Variants in NRXN2 observed in about 807,000 individuals in gnomAD.
NRXN2 encodes neurexin 2.
A neutral mutation model predicts 128.8 loss-of-function variants in NRXN2; 29 were observed. The observed-to-expected ratio is 0.23, with a 90% confidence interval of 0.17 to 0.31. The LOEUF (loss-of-function observed/expected upper bound fraction) is 0.31, where lower values mean the gene tolerates loss of function less well. NRXN2 is among the 10% of genes least tolerant of loss of function. The pLI, the probability that NRXN2 is intolerant of heterozygous loss-of-function variation, is 1.00. For synonymous variants in NRXN2, 1,098 were observed against 1,075.2 expected, an observed-to-expected ratio of 1.02 and a Z score of -0.41; for missense variants, 1,881 against 2,452.6, an observed-to-expected ratio of 0.77 and a Z score of 4.92.
rs948923226 is a variant in NRXN2, at chr11:64,630,657, C to T, written c.3586-84G>A. 7.9e-5 allele frequency: 117 copies of T among 1,489,180 alleles called. No homozygotes were observed. Among genetic ancestry groups the T allele is most frequent in the Admixed American group, 3.5e-5 (2 of 56,572 alleles). 92.2% of individuals were successfully genotyped at this position (1,489,180 alleles called of 1,614,324 possible). A position where few individuals can be genotyped will look rare whatever the true frequency, so the allele number is the denominator to read the frequency against. The stretch of plus-strand genomic sequence containing the variant: ...TGGCTACTCCTGTGACCACCACTAG[C>T]CCAGCTCCGCAGCACTTAAGGCACC... On this transcript the variant is annotated intron_variant, in intron 18 of 22. Coordinates refer to ENST00000265459, the MANE Select transcript of NRXN2 (RefSeq NM_015080.4). The surrounding 1 kb of genome is among the most constrained non-coding windows in gnomAD (Gnocchi z 4.6).
In NRXN2 at chr11:64,683,511, G is replaced by A. The variant is rs146113684; in HGVS notation, c.1152+2135C>T. Among the ~76,000 whole-genome samples the A allele has an allele frequency of 3.3e-5, 5 of 151,888 alleles. No homozygotes were observed. The East Asian group carries it at 5.8e-4, about 18-fold the overall frequency. On this transcript the variant is annotated intron_variant, in intron 6 of 22. Coordinates refer to ENST00000265459, the MANE Select transcript of NRXN2 (RefSeq NM_015080.4). ...AGCGGGCACCTGTAATCCCAGCTAC[G>A]CGGGAGGCTGAGGTAGGAGAATCAC...
chr11:64,661,054 C>G lies in NRXN2; in HGVS notation c.1884G>C (p.Leu628=). Residue 628 remains leucine (L), a synonymous_variant, in exon 10 of 23, where the codon CTG becomes CTC. Coordinates refer to ENST00000265459, the MANE Select transcript of NRXN2 (RefSeq NM_015080.4). The part of the protein sequence containing the change: ...EILDLESELY[L]GGLPEGGRVD... The stretch of plus-strand genomic sequence containing the variant: ...CCCGGCCCCCCTCAGGGAGACCGCC[C>G]AGGTACAGCTCACTCTCCAGGTCCA... 6.2e-7 allele frequency: 1 copy of G among 1,613,520 alleles called. No homozygotes were observed. The highest frequency in any genetic ancestry group is 1.1e-5 in the South Asian group (1 of 91,084).
Position 64,661,144 on chromosome 11 carries a change from G to A in NRXN2, c.1799-5C>T. 2 of 1,613,434 alleles carry A rather than the reference G, an allele frequency of 1.2e-6. No individual in the cohort carries two copies. The highest frequency in any genetic ancestry group is 1.7e-6 in the Non-Finnish European group (2 of 1,180,026). Reference sequence around the variant, plus strand: ...GACTATTCACTGAGATGGAGCCTGGGAATCAAGGGAAGGCAGGATGGAGAA... The same window carrying A: ...GACTATTCACTGAGATGGAGCCTGGAAATCAAGGGAAGGCAGGATGGAGAA... On this transcript the variant is annotated splice_region_variant and splice_polypyrimidine_tract_variant and intron_variant, in intron 9 of 22. Transcript: ENST00000265459.
intron 9 of NRXN2, among the ~76,000 whole-genome samples, chr11:64,662,140 C>G (rs1396532986): frequency 6.6e-6 from 1 of 151,728 alleles, no homozygotes; most frequent in Admixed American, 6.6e-5. Flanking sequence ...AACCTGTAGT[C>G]CCAGCTACTC....
At chr11:64,641,821 G>C (rs1370794895) in intron 17 of NRXN2, among the ~76,000 whole-genome samples, 3 of 152,024 alleles carry the variant, frequency 2.0e-5, no homozygotes, top group African/African-American at 7.3e-5. Context: ...GTGAGATGCT[G>C]GGGGTCAGAG....
intron 2 of NRXN2, among the ~76,000 whole-genome samples, chr11:64,699,342 T>TG (rs2054969673): frequency 1.3e-5 from 2 of 151,864 alleles, no homozygotes; most frequent in Admixed American, 6.6e-5. Context: ...TGTCAACATG[T>TG]GTTACAAACA....
chr11:64,610,416 G>A (rs573369920), intron 22 of NRXN2, among the ~76,000 whole-genome samples: 3 of 152,252 alleles, frequency 2.0e-5, no homozygotes, highest in East Asian at 1.9e-4. Context: ...GAGTGAGGCC[G>A]GGGAAGGGCT....
chr11:64,655,885 G>A (rs776498589), intron 11 of NRXN2, among the ~76,000 whole-genome samples: 2 of 152,256 alleles, frequency 1.3e-5, no homozygotes, highest in Non-Finnish European at 2.9e-5. Context: ...GCACTAACTA[G>A]TAACCTGTTA....
intron 19 of NRXN2, among the ~76,000 whole-genome samples, chr11:64,628,002 G>A (rs1441832692): frequency 6.6e-6 from 1 of 152,126 alleles, no homozygotes; most frequent in East Asian, 1.9e-4. Flanking sequence ...AGGAGATTCT[G>A]CTTTCCCTAT....
chr11:64,618,430 C>T (rs1234829816), intron 22 of NRXN2, among the ~76,000 whole-genome samples: 3 of 152,196 alleles, frequency 2.0e-5, no homozygotes, highest in African/African-American at 7.2e-5. Flanking sequence ...ACATGTGGTG[C>T]CACTCAGTGC....
rs1286846183 is a variant in NRXN2, at chr11:64,660,807, G to C, written c.2131C>G (p.Arg711Gly). Residue 711 changes from arginine (R) to glycine (G), a missense_variant, in exon 10 of 23, where the codon CGC becomes GGC. By Grantham distance (125) the Arg-to-Gly change is moderately radical (BLOSUM62 -2). Transcript: ENST00000265459. This position sits in a 1 kb window ranked among gnomAD's most constrained non-coding sequence, Gnocchi z 5.2. ...GTCCCGATGCAGTCACAGATGAAGC[G>C]GTTCCAGCCTTCTCGACAGACGCCC... ...NGGVCREGWN[R>G]FICDCIGTGF... is the part of the protein sequence containing the mutation. 1.2e-6 allele frequency: 2 copies of C among 1,613,972 alleles called. No individual in the cohort carries two copies. Among genetic ancestry groups the C allele is most frequent in the Non-Finnish European group, 8.5e-7 (1 of 1,180,008 alleles).
chr11:64,646,036 G>A (rs1445082432), intron 17 of NRXN2, among the ~76,000 whole-genome samples: 1 of 152,176 alleles, frequency 6.6e-6, no homozygotes, highest in Non-Finnish European at 1.5e-5. Flanking sequence ...CTAGGAAGGA[G>A]GAGTAGCCCT....
intron 6 of NRXN2, among the ~76,000 whole-genome samples, chr11:64,684,975 T>C (rs1184627025): frequency 6.6e-6 from 1 of 152,182 alleles, no homozygotes; most frequent in East Asian, 1.9e-4. Context: ...CCTGGCTCCT[T>C]TGAAAGAAAG....
chr11:64,710,647 TG>T (rs2135665840), intron 2 of NRXN2, among the ~76,000 whole-genome samples: 1 of 152,220 alleles, frequency 6.6e-6, no homozygotes, highest in East Asian at 1.9e-4. Flanking sequence ...AGGCAGGCTT[TG>T]GGGGAAGGGT....
At position 64,667,642 on chromosome 11, in the gene NRXN2, G is replaced by A; in HGVS notation, c.1406C>T (p.Ala469Val). The change falls in exon 9 of 23, where the codon GCA becomes GTA. Residue 469 changes from alanine (A) to valine (V), a missense_variant. Physicochemically the swap from Ala to Val is moderately conservative, Grantham distance 64. Around this residue, in one of 7 missense-constraint regions of NRXN2, gnomAD observed 997 missense variants for 1,240.8 expected, o/e 0.80. Transcript: ENST00000265459. This position sits in a 1 kb window ranked among gnomAD's most constrained non-coding sequence, Gnocchi z 5.6. The stretch of plus-strand genomic sequence containing the variant: ...CTTCATCTTGGGGTCCCCTTCCTTT[G>A]CCAGGCGGGATAGTTCCAATTTGAA... The part of the protein sequence containing the change: ...NDFKLELSRL[A>V]KEGDPKMKLQ... 1 of 1,614,186 alleles carries A rather than the reference G, an allele frequency of 6.2e-7. No individual in the cohort carries two copies. Among genetic ancestry groups the A allele is most frequent in the Non-Finnish European group, 8.5e-7 (1 of 1,180,026 alleles).
At position 64,667,948 on chromosome 11, in the gene NRXN2, A is replaced by G. The variant is rs2050112363; in HGVS notation, c.1360-260T>C. On this transcript the variant is annotated intron_variant, in intron 8 of 22. Transcript: ENST00000265459. The surrounding 1 kb of genome is among the most constrained non-coding windows in gnomAD (Gnocchi z 5.6). ...GCTTGCCTGTGGGTTCTCAGTGCCC[A>G]CTAAATTGCAGTTCATAATAATGAC... Among the ~76,000 whole-genome samples, 1 of 152,118 alleles carries G rather than the reference A, an allele frequency of 6.6e-6. No homozygotes were observed. Among genetic ancestry groups the G allele is most frequent in the Non-Finnish European group, 1.5e-5 (1 of 68,022 alleles).
chr11:64,623,177 A>G lies in NRXN2; in HGVS notation c.3848-99T>C. The G allele has an allele frequency of 6.8e-7, 1 of 1,474,068 alleles. No homozygotes were observed. Among genetic ancestry groups the G allele is most frequent in the Middle Eastern group, 1.8e-4 (1 of 5,420 alleles). The allele number at this position is 1,474,068 out of a possible 1,614,324, so 91.3% of individuals were successfully genotyped here. On this transcript the variant is annotated intron_variant, in intron 20 of 22. Coordinates refer to ENST00000265459, the MANE Select transcript of NRXN2 (RefSeq NM_015080.4). The surrounding 1 kb of genome is among the most constrained non-coding windows in gnomAD (Gnocchi z 4.9). ...AAGGAAGCCAAGGAGAGGAAAGAGG[A>G]ATGGAGGAGAAAGCCAGTAAGGGAG...
rs907463469 is a variant in NRXN2 at position 64,607,130 on chromosome 11, G to A, written c.*66C>T. 1 of 1,547,028 alleles carries A rather than the reference G, an allele frequency of 6.5e-7. No homozygotes were observed. The highest frequency in any genetic ancestry group is 8.8e-7 in the Non-Finnish European group (1 of 1,133,804). ...GGTCCCCAGGCCCCTGGCAGGGAGA[G>A]GGTGGCACCCTCCTCCCGGGCCCTC... On this transcript the variant is annotated 3_prime_UTR_variant, in exon 23 of 23. Coordinates refer to ENST00000265459, the MANE Select transcript of NRXN2 (RefSeq NM_015080.4).
intron 17 of NRXN2, among the ~76,000 whole-genome samples, chr11:64,644,307 C>T (rs1173256866): frequency 6.6e-6 from 1 of 152,050 alleles, no homozygotes; most frequent in Non-Finnish European, 1.5e-5. Flanking sequence ...TCCCCACCAC[C>T]TCCCCAAAAA....
Sources: allele counts gnomAD v4.1 joint callset (sites outside exome capture counted in the v4.1 genomes callset), GRCh38; gene constraint gnomAD v4.1.1; regional missense constraint gnomAD v4.1.1; non-coding constraint Gnocchi (gnomAD v3.1); transcripts MANE v1.5; gene names NCBI Gene and HGNC (gene_info 2026-07-23, HGNC 2026-07-21).